Variants in NRXN1 observed in about 807,000 individuals in gnomAD.
NRXN1 encodes neurexin 1.
In NRXN1, 39 loss-of-function variants were observed where a neutral mutation model predicts 150.9. That is an observed-to-expected ratio of 0.26 (90% CI 0.20 to 0.34). The LOEUF (loss-of-function observed/expected upper bound fraction) is 0.34. Ranked by LOEUF, NRXN1 falls within the 10% of genes least tolerant of loss-of-function variation. The probability of loss-of-function intolerance (pLI) is 1.00; values close to 1 mark genes in which losing one functional copy is unlikely to be tolerated. For synonymous variants in NRXN1, 924 were observed against 757.0 expected, an observed-to-expected ratio of 1.22 and a Z score of -3.62; for missense variants, 1,815 against 1,949.9, an observed-to-expected ratio of 0.93 and a Z score of 1.30.
chr2:50,206,228 TACACACACACACACAC>T (rs66795755), intron 18 of NRXN1, among the ~76,000 whole-genome samples: 4 of 106,292 alleles, frequency 3.8e-5, no homozygotes, highest in African/African-American at 1.2e-4. Flanking sequence ...TACACACAAA[TACACACACACACACAC>T]ACACACACAC....
intron 2 of NRXN1, among the ~76,000 whole-genome samples, chr2:50,971,697 C>T (rs1695031917): frequency 6.6e-6 from 1 of 152,024 alleles, no homozygotes; most frequent in Non-Finnish European, 1.5e-5. Context: ...TATTTTTACA[C>T]ACCTTCAAAT....
At chr2:50,979,858 G>A (rs1370566485) in intron 2 of NRXN1, among the ~76,000 whole-genome samples, 1 of 152,088 alleles carries the variant, frequency 6.6e-6, no homozygotes, top group Non-Finnish European at 1.5e-5. Context: ...AAAGAGAGCT[G>A]AAGCACACAT....
intron 22 of NRXN1, 115 bp from the exon 23 acceptor site, chr2:49,922,366 T>C: frequency 9.2e-7 from 1 of 1,084,262 alleles, no homozygotes; most frequent in African/African-American, 1.6e-5. Flanking sequence ...TTAGGAAAGG[T>C]ATGCTATTGA....
At chr2:50,376,887 G>C (rs2080541298) in intron 17 of NRXN1, among the ~76,000 whole-genome samples, 1 of 152,012 alleles carries the variant, frequency 6.6e-6, no homozygotes, top group African/African-American at 2.4e-5. Context: ...CTTTGTGTGA[G>C]ACTCAACAAG....
chr2:50,233,358 T>C (rs1306141251), intron 18 of NRXN1, among the ~76,000 whole-genome samples: 1 of 152,046 alleles, frequency 6.6e-6, no homozygotes. Context: ...AACCATTTTA[T>C]TCCAAGTTGT....
intron 12 of NRXN1, among the ~76,000 whole-genome samples, chr2:50,527,730 T>G (rs532496750): frequency 2.0e-5 from 3 of 152,266 alleles, no homozygotes; most frequent in African/African-American, 7.2e-5. Flanking sequence ...TGGCCAATGC[T>G]GTGGGGAGTA....
chr2:49,995,880 AAAAG>A (rs869186386), intron 21 of NRXN1, among the ~76,000 whole-genome samples: 32,654 of 120,754 alleles, frequency 0.27, 5,622 homozygotes, highest in Middle Eastern at 0.35. Flanking sequence ...AAAAAAAAAA[AAAAG>A]AAAAAAGGAT....
chr2:50,566,567 T>C (rs1032176207), intron 8 of NRXN1, among the ~76,000 whole-genome samples: 9 of 152,082 alleles, frequency 5.9e-5, no homozygotes, highest in Middle Eastern at 3.2e-3. Context: ...CATGTTAATA[T>C]GAATCATTAC....
chr2:50,559,880 G>T (rs1031704731), intron 8 of NRXN1, among the ~76,000 whole-genome samples: 2 of 152,090 alleles, frequency 1.3e-5, no homozygotes, highest in African/African-American at 4.8e-5. Context: ...CACAAAGATG[G>T]TCCTACTCAT....
rs1264391479 is a variant in NRXN1, at chr2:51,028,422, C to A, written c.-149G>T. 2 of 482,796 alleles carry A rather than the reference C, an allele frequency of 4.1e-6. No homozygotes were observed. Among genetic ancestry groups the A allele is most frequent in the East Asian group, 3.2e-5 (1 of 31,506 alleles). The allele number at this position is 482,796 out of a possible 1,614,324, so 29.9% of individuals were successfully genotyped here. On this transcript the variant is annotated 5_prime_UTR_variant, in exon 2 of 23. Coordinates refer to ENST00000401669, the MANE Select transcript of NRXN1 (RefSeq NM_001330078.2). ...GGGATGTGCCCTCCTTTATCTAGTT[C>A]TTTTTTTCTTCTTCTTCTTCCAATA... is the stretch of plus-strand genomic sequence containing the variant.
chr2:50,163,366 C>T lies in NRXN1; in HGVS notation c.3547-71872G>A, dbSNP rs557753052. Reference sequence around the variant, plus strand: ...TCAAACTTTCTTCTATTAAATTACCCGCGCAAAACAACTGAGTTTTCCCAT... The same window carrying T: ...TCAAACTTTCTTCTATTAAATTACCTGCGCAAAACAACTGAGTTTTCCCAT... On this transcript the variant is annotated intron_variant, in intron 18 of 22. Coordinates refer to ENST00000401669, the MANE Select transcript of NRXN1 (RefSeq NM_001330078.2). Among the ~76,000 whole-genome samples, 17 of 152,088 alleles carry T rather than the reference C, an allele frequency of 1.1e-4. No homozygotes were observed. The South Asian group carries it at 2.9e-3, about 26-fold the overall frequency.
In NRXN1 at chr2:49,943,790, G is replaced by C. The variant is rs747424290; in HGVS notation, c.4130C>G (p.Thr1377Ser). Residue 1377 changes from threonine to serine, a missense_variant and splice_region_variant, in exon 22 of 23, where the codon ACC (threonine) becomes AGC (serine). By Grantham distance (58) the Thr-to-Ser change is moderately conservative (BLOSUM62 1). Coordinates refer to ENST00000401669, the MANE Select transcript of NRXN1 (RefSeq NM_001330078.2). ...KPPTKEPISQ[T>S]TDDILVASAE... ...TGAGGCCACAAGGATGTCATCTGTG[G>C]TCTGCAAAAGAATCACATTCAGTAG... is the stretch of plus-strand genomic sequence containing the variant. 1 of 1,606,846 alleles carries C rather than the reference G, an allele frequency of 6.2e-7. No individual in the cohort carries two copies. The highest frequency in any genetic ancestry group is 1.7e-5 in the Admixed American group (1 of 59,516).
intron 5 of NRXN1, among the ~76,000 whole-genome samples, chr2:50,887,059 T>C (rs1680356286): frequency 6.6e-6 from 1 of 151,426 alleles, no homozygotes; most frequent in Non-Finnish European, 1.5e-5. Flanking sequence ...TATTCATCAC[T>C]TTTAAGAATA....
intron 18 of NRXN1, among the ~76,000 whole-genome samples, chr2:50,112,953 T>A (rs1330630871): frequency 2.0e-5 from 3 of 152,208 alleles, no homozygotes; most frequent in Non-Finnish European, 4.4e-5. Flanking sequence ...CTGGTGCCTA[T>A]GCCATTTCTG....
At chr2:50,571,846 C>T (rs1358002731) in intron 8 of NRXN1, among the ~76,000 whole-genome samples, 1 of 152,062 alleles carries the variant, frequency 6.6e-6, no homozygotes, top group Non-Finnish European at 1.5e-5. Context: ...AAAGAGGCAG[C>T]TGGGGTGGCC....
intron 8 of NRXN1, among the ~76,000 whole-genome samples, chr2:50,594,568 C>G (rs530921492): frequency 1.3e-5 from 2 of 152,030 alleles, no homozygotes; most frequent in African/African-American, 4.8e-5. Flanking sequence ...GTCATTAAAC[C>G]AAAAAGCAAA....
At chr2:50,390,605 A>C (rs1490675774) in intron 17 of NRXN1, among the ~76,000 whole-genome samples, 4 of 152,158 alleles carry the variant, frequency 2.6e-5, no homozygotes, top group African/African-American at 7.2e-5. Flanking sequence ...CCATGCAGCA[A>C]TATTGAGAGG....
chr2:49,974,333 T>C, intron 21 of NRXN1: 2 of 446,836 alleles, frequency 4.5e-6, no homozygotes, highest in East Asian at 1.0e-4. Context: ...TCAAAAAGTC[T>C]CAGCAGTCGT....
chr2:50,361,078 A>C (rs1392462842), intron 17 of NRXN1, among the ~76,000 whole-genome samples: 1 of 152,224 alleles, frequency 6.6e-6, no homozygotes, highest in Admixed American at 6.5e-5. Context: ...GAACAAAGAC[A>C]CAGCGTACCA....
Sources: allele counts gnomAD v4.1 joint callset (sites outside exome capture counted in the v4.1 genomes callset), GRCh38; gene constraint gnomAD v4.1.1; transcripts MANE v1.5; gene names NCBI Gene and HGNC (gene_info 2026-07-23, HGNC 2026-07-21).